The following RIMBP2 variants were observed in gnomAD, a reference collection of about 807,000 sequenced individuals.
RIMBP2 encodes the protein RIMS binding protein 2.
RIMBP2 carries 48 observed loss-of-function variants against 118.6 expected under a neutral mutation model. That is an observed-to-expected ratio of 0.40 (90% CI 0.32 to 0.51). RIMBP2 has a LOEUF of 0.51. Ranked by LOEUF, RIMBP2 falls within the 20% of genes least tolerant of loss-of-function variation. The pLI, the probability that RIMBP2 is intolerant of heterozygous loss-of-function variation, is 0.41. For missense variants in RIMBP2, 1,551 were observed against 1,768.3 expected (o/e 0.88, Z 2.20); for synonymous variants, 762 against 742.9 (o/e 1.03, Z -0.42).
chr12:130,400,318 G>T (rs1467115525), intron 21 of RIMBP2, among the ~76,000 whole-genome samples: 1 of 152,158 alleles, frequency 6.6e-6, no homozygotes, highest in African/African-American at 2.4e-5. Context: ...TCATGGATAG[G>T]TTATTATCGT....
chr12:130,470,703 C>T lies in RIMBP2; in HGVS notation c.143G>A (p.Arg48Gln), dbSNP rs527933427. Residue 48 changes from arginine to glutamine, a missense_variant, in exon 6 of 23, where the codon CGG (arginine) becomes CAG (glutamine). Physicochemically the swap from Arg to Gln is conservative, Grantham distance 43. Coordinates refer to ENST00000690449, the MANE Select transcript of RIMBP2 (RefSeq NM_001393629.1). ...EAKKEHEGAV[R>Q]LLESKVRELE... ...GGGCACGCTCCTTACCTCTAGCAGC[C>T]GCACTGCGCCTTCATGCTCCTTCTT... is the stretch of plus-strand genomic sequence containing the variant. The T allele has an allele frequency of 9.9e-5, 122 of 1,231,896 alleles. No homozygotes were observed. The highest frequency in any genetic ancestry group is 1.1e-4 in the Non-Finnish European group (111 of 987,926). 76.3% of individuals were successfully genotyped at this position (1,231,896 alleles called of 1,614,324 possible). A position where few individuals can be genotyped will look rare whatever the true frequency, so the allele number is the denominator to read the frequency against.
chr12:130,692,118 G>A (rs1441417822), intron 1 of RIMBP2, among the ~76,000 whole-genome samples: 1 of 152,212 alleles, frequency 6.6e-6, no homozygotes, highest in African/African-American at 2.4e-5. Flanking sequence ...TTGCTGGGAA[G>A]GGATGAACTC....
chr12:130,438,955 C>T (rs2077769407), intron 11 of RIMBP2, among the ~76,000 whole-genome samples: 1 of 151,982 alleles, frequency 6.6e-6, no homozygotes, highest in African/African-American at 2.4e-5. Flanking sequence ...AGAAGGCAAT[C>T]CCCTCATCCC....
intron 1 of RIMBP2, among the ~76,000 whole-genome samples, chr12:130,648,244 A>C (rs181519342): frequency 6.8e-6 from 1 of 146,096 alleles, no homozygotes; most frequent in Non-Finnish European, 1.6e-5. Flanking sequence ...TGCGCCACTA[A>C]TGGAAGAGGA....
At chr12:130,693,781 G>C (rs950410233) in intron 1 of RIMBP2, among the ~76,000 whole-genome samples, 4 of 152,222 alleles carry the variant, frequency 2.6e-5, no homozygotes, top group African/African-American at 9.6e-5. Context: ...TCGTTCCCAA[G>C]AAGGCCCTTT....
intron 11 of RIMBP2, among the ~76,000 whole-genome samples, chr12:130,439,974 T>C (rs2077981280): frequency 6.6e-6 from 1 of 151,340 alleles, no homozygotes; most frequent in Non-Finnish European, 1.5e-5. Flanking sequence ...TAGGGATGTG[T>C]GTGTGTGGGG....
rs556698793 is a variant in RIMBP2 at position 130,431,340 on chromosome 12, G to A, written c.2254-3003C>T. On this transcript the variant is annotated intron_variant, in intron 14 of 22. Transcript: ENST00000690449. This position sits in a 1 kb window ranked among gnomAD's most constrained non-coding sequence, Gnocchi z 4.0. Reference sequence around the variant, plus strand: ...GACGGGGCGGGCAGCATGGGGAAGCGGATGGTCAGGGAACACTTCCCGGGT... The same window carrying A: ...GACGGGGCGGGCAGCATGGGGAAGCAGATGGTCAGGGAACACTTCCCGGGT... 1.9e-5 allele frequency: 6 copies of A among 311,742 alleles called. No homozygotes were observed. Among genetic ancestry groups the A allele is most frequent in the Non-Finnish European group, 3.5e-5 (5 of 143,568 alleles). The allele number at this position is 311,742 out of a possible 1,614,324, so 19.3% of individuals were successfully genotyped here.
In RIMBP2 at chr12:130,404,489, G is replaced by A. The variant is rs191297358; in HGVS notation, c.3765+1683C>T. Among the ~76,000 whole-genome samples the A allele has an allele frequency of 2.8e-3, 425 of 152,178 alleles. 3 individuals carry two copies. The highest frequency in any genetic ancestry group is 9.7e-3 in the African/African-American group (405 of 41,544). On this transcript the variant is annotated intron_variant, in intron 21 of 22. Coordinates refer to ENST00000690449, the MANE Select transcript of RIMBP2 (RefSeq NM_001393629.1). ...ATTCTTTTGTATTTTCAGTAGAAAC[G>A]GGGTTTCACCATGTTGGCCAGGCTG...
chr12:130,632,853 T>C (rs2062088078), intron 1 of RIMBP2, among the ~76,000 whole-genome samples: 2 of 152,162 alleles, frequency 1.3e-5, no homozygotes, highest in Admixed American at 6.5e-5. Flanking sequence ...AACAGAGCCA[T>C]TTAGGCAGAG....
At chr12:130,462,691 G>A (rs528455768) in intron 6 of RIMBP2, among the ~76,000 whole-genome samples, 2 of 152,284 alleles carry the variant, frequency 1.3e-5, no homozygotes, top group South Asian at 2.1e-4. Context: ...TGCAGTTGAC[G>A]TGCTTTCCCC....
intron 1 of RIMBP2, among the ~76,000 whole-genome samples, chr12:130,653,904 G>A (rs1594150182): frequency 6.6e-6 from 1 of 152,232 alleles, no homozygotes; most frequent in African/African-American, 2.4e-5. Context: ...GCAGTGTCCT[G>A]AAGCTGTGCA....
At chr12:130,521,424 G>A (rs1385950544) in intron 2 of RIMBP2, among the ~76,000 whole-genome samples, 1 of 152,176 alleles carries the variant, frequency 6.6e-6, no homozygotes, top group Non-Finnish European at 1.5e-5. Flanking sequence ...AGGAAGAGGA[G>A]GATTGGGGGT....
In RIMBP2 at chr12:130,428,326, G is replaced by A; in HGVS notation, c.2265C>T (p.Cys755=). The A allele has an allele frequency of 6.2e-6, 10 of 1,608,902 alleles. No individual in the cohort carries two copies. The highest frequency in any genetic ancestry group is 8.5e-6 in the Non-Finnish European group (10 of 1,177,490). Reference sequence around the variant, plus strand: ...TCTCTGTGTGGTACTCGTCTCCATGGCAACAGTGCGGCTGGGGGCCAAGAA... The same window carrying A: ...TCTCTGTGTGGTACTCGTCTCCATGACAACAGTGCGGCTGGGGGCCAAGAA... ...GSELGKQPHC[C]HGDEYHTESS... Residue 755 remains cysteine, a synonymous_variant, in exon 15 of 23, where the codon TGC becomes TGT. Transcript: ENST00000690449.
At chr12:130,633,038 G>A (rs1012174555) in intron 1 of RIMBP2, among the ~76,000 whole-genome samples, 1 of 152,142 alleles carries the variant, frequency 6.6e-6, no homozygotes, top group East Asian at 1.9e-4. Flanking sequence ...GTTAGGCATA[G>A]ACGCAGTTCA....
Position 130,431,634 on chromosome 12 carries a change from ATGC to A in RIMBP2, c.2253+3097_2253+3099del. 1 of 155,676 alleles carries A rather than the reference ATGC, an allele frequency of 6.4e-6. No homozygotes were observed. Among genetic ancestry groups the A allele is most frequent in the African/African-American group, 2.4e-5 (1 of 41,530 alleles). 9.6% of individuals were successfully genotyped at this position (155,676 alleles called of 1,614,324 possible). A position where few individuals can be genotyped will look rare whatever the true frequency, so the allele number is the denominator to read the frequency against. On this transcript the variant is annotated intron_variant, in intron 14 of 22. Coordinates refer to ENST00000690449, the MANE Select transcript of RIMBP2 (RefSeq NM_001393629.1). The surrounding 1 kb of genome is among the most constrained non-coding windows in gnomAD (Gnocchi z 4.0). ...TATGTTATGAATACAACATAAAACA[ATGC>A]TGCTAAATATTAACGCTTTTTAAAT...
intron 19 of RIMBP2, among the ~76,000 whole-genome samples, chr12:130,412,209 A>C (rs1024635657): frequency 6.6e-6 from 1 of 152,230 alleles, no homozygotes; most frequent in African/African-American, 2.4e-5. Flanking sequence ...TGCCTCTTGG[A>C]TAAGCAAAGG....
Position 130,643,104 on chromosome 12 carries a change from C to T in RIMBP2, c.-351-14648G>A, listed in dbSNP as rs760857194. ...CCTGGCTCAGCTGGCTGTGCTTACA[C>T]GAAGTCCCCGCAACAGCCACCTGCC... On this transcript the variant is annotated intron_variant, in intron 1 of 22. Coordinates refer to ENST00000690449, the MANE Select transcript of RIMBP2 (RefSeq NM_001393629.1). Among the ~76,000 whole-genome samples the T allele has an allele frequency of 4.6e-5, 7 of 152,348 alleles. 1 individual carries two copies. Among genetic ancestry groups the T allele is most frequent in the Middle Eastern group, 3.4e-3 (1 of 294 alleles).
intron 1 of RIMBP2, among the ~76,000 whole-genome samples, chr12:130,680,626 A>T (rs927559749): frequency 6.6e-6 from 1 of 152,186 alleles, no homozygotes; most frequent in Non-Finnish European, 1.5e-5. Flanking sequence ...CCACCCACTC[A>T]TACACACAGG....
intron 1 of RIMBP2, among the ~76,000 whole-genome samples, chr12:130,678,397 G>C (rs574879888): frequency 2.2e-4 from 34 of 152,356 alleles, no homozygotes; most frequent in African/African-American, 7.5e-4. Context: ...GCTGCGCCAC[G>C]GAATATTCCG....
Sources: gnomAD v4.1 joint callset for allele counts (sites outside exome capture counted in the v4.1 genomes callset) on GRCh38, gnomAD v4.1.1 for gene constraint, Gnocchi (gnomAD v3.1) non-coding constraint, MANE v1.5 for transcripts, NCBI Gene and HGNC (gene_info 2026-07-23, HGNC 2026-07-21) for gene names.